The following EI24 variants were observed in gnomAD, a reference collection of about 807,000 sequenced individuals.
The protein encoded by EI24 is EI24 autophagy associated transmembrane protein, also known as etoposide-induced protein 2.4 homolog.
A neutral mutation model predicts 48.6 loss-of-function variants in EI24; 21 were observed. That is an observed-to-expected ratio of 0.43 (90% CI 0.31 to 0.62). The LOEUF (loss-of-function observed/expected upper bound fraction) is 0.62, where lower values mean the gene tolerates loss of function less well. Ranked by LOEUF, EI24 falls within the 20% of genes least tolerant of loss-of-function variation. The probability of loss-of-function intolerance (pLI) is 0.10; values close to 1 mark genes in which losing one functional copy is unlikely to be tolerated. For missense variants in EI24, 280 were observed against 410.5 expected (o/e 0.68, Z 2.75); for synonymous variants, 114 against 145.5 (o/e 0.78, Z 1.56).
Position 125,583,908 on chromosome 11 carries a change from G to GACCA in EI24, c.*226_*229dup. 13 of 567,368 alleles carry GACCA rather than the reference G, an allele frequency of 2.3e-5. No homozygotes were observed. The South Asian group carries it at 2.6e-4, about 12-fold the overall frequency. The allele number at this position is 567,368 out of a possible 1,614,324, so 35.1% of individuals were successfully genotyped here. ...TTTAACATCACCGTGAGTCTGAAAG[G>GACCA]ACCACAGGTTTTTCTGCAGCTATTT... On this transcript the variant is annotated 3_prime_UTR_variant, in exon 11 of 11. Transcript: ENST00000278903.
Position 125,578,221 on chromosome 11 carries a change from T to G in EI24, c.405T>G (p.Phe135Leu). Residue 135 changes from phenylalanine to leucine, a missense_variant, in exon 6 of 11, where the codon TTT (phenylalanine) becomes TTG (leucine). Around this residue, in one of 3 missense-constraint regions of EI24, gnomAD observed 204 missense variants for 294.1 expected, o/e 0.69. Coordinates refer to ENST00000278903, the MANE Select transcript of EI24 (RefSeq NM_004879.5). ...IFSALWVLPL[F>L]VLSKVVNAIW... ...GTGCTCTTTGGGTGCTCCCCTTGTT[T>G]GTGCTTAGCAAAGTGGTGAATGCCA... 6.2e-7 allele frequency: 1 copy of G among 1,614,014 alleles called. No homozygotes were observed. The highest frequency in any genetic ancestry group is 8.5e-7 in the Non-Finnish European group (1 of 1,179,892).
chr11:125,575,328 G>A lies in EI24; in HGVS notation c.108G>A (p.Lys36=). 1.3e-6 allele frequency: 2 copies of A among 1,572,200 alleles called. No individual in the cohort carries two copies. The highest frequency in any genetic ancestry group is 1.7e-6 in the Non-Finnish European group (2 of 1,158,942). ...AGCTAGATGCTCGAATCCAGCAAAAGAGAGAGGAGCAGCGTCGAAGAAGGG... is the reference window on the plus strand; with the variant it reads ...AGCTAGATGCTCGAATCCAGCAAAAAAGAGAGGAGCAGCGTCGAAGAAGGG... ...ISKLDARIQQ[K]REEQRRRRAS... is the part of the protein sequence containing the mutation. Residue 36 remains lysine (K), a synonymous_variant, in exon 3 of 11, where the codon AAG becomes AAA. Transcript: ENST00000278903.
At position 125,583,534 on chromosome 11, in the gene EI24, C is replaced by T. The variant is rs371275461; in HGVS notation, c.874C>T (p.Arg292Cys). The change falls in exon 11 of 11, where the codon CGC becomes TGC. Residue 292 changes from arginine to cysteine, a missense_variant. Arg to Cys is a radical substitution (Grantham distance 180). Coordinates refer to ENST00000278903, the MANE Select transcript of EI24 (RefSeq NM_004879.5). ...CTTGCCTTTTAGTCTCTTCCAGTTGCGCCTCTTCTCCTTGGTGGTCTTCTT... is the reference window on the plus strand; with the variant it reads ...CTTGCCTTTTAGTCTCTTCCAGTTGTGCCTCTTCTCCTTGGTGGTCTTCTT... ...TPGKAYLFQL[R>C]LFSLVVFLSN... 3.1e-6 allele frequency: 5 copies of T among 1,592,916 alleles called. No individual in the cohort carries two copies. Among genetic ancestry groups the T allele is most frequent in the South Asian group, 1.1e-5 (1 of 88,820 alleles).
intron 2 of EI24, among the ~76,000 whole-genome samples, chr11:125,573,928 C>A (rs911875038): frequency 6.6e-6 from 1 of 151,896 alleles, no homozygotes; most frequent in South Asian, 2.1e-4. Context: ...GTGATCTGCC[C>A]ACCTTAGCCT....
At chr11:125,575,226 C>T in intron 2 of EI24, 37 bp from the exon 3 acceptor site, 1 of 1,493,322 alleles carries the variant, frequency 6.7e-7, no homozygotes, top group Non-Finnish European at 9.0e-7. Context: ...GACCCTGTCT[C>T]AAATAATAAT....
chr11:125,581,385 T>C, intron 9 of EI24, 63 bp downstream of exon 9: 5 of 1,073,648 alleles, frequency 4.7e-6, no homozygotes, highest in Non-Finnish European at 7.0e-6. Flanking sequence ...AGTCAGTGCC[T>C]TTTGTTTGCT....
At chr11:125,577,659 AC>A in intron 5 of EI24, 89 bp downstream of exon 5, 1 of 1,080,334 alleles carries the variant, frequency 9.3e-7, no homozygotes, top group Non-Finnish European at 1.4e-6. Context: ...TTTCCTGTGT[AC>A]CAGGAGCTTT....
At position 125,575,344 on chromosome 11, in the gene EI24, CGAA is replaced by C; in HGVS notation, c.129_131del (p.Arg44del). On this transcript the variant is annotated inframe_deletion, in exon 3 of 11. Transcript: ENST00000278903. ...CCAGCAAAAGAGAGAGGAGCAGCGT[CGAA>C]GAAGGGCAAGTAGTGTCTTGGCACA... 1 of 1,582,438 alleles carries C rather than the reference CGAA, an allele frequency of 6.3e-7. No individual in the cohort carries two copies. Among genetic ancestry groups the C allele is most frequent in the Non-Finnish European group, 8.6e-7 (1 of 1,164,402 alleles).
chr11:125,579,208 CTTTT>C (rs1351176794), intron 7 of EI24, 140 bp downstream of exon 7: 3 of 710,516 alleles, frequency 4.2e-6, no homozygotes, highest in East Asian at 6.9e-5. Context: ...ATTTTTAAAT[CTTTT>C]TTTCCCCACG....
chr11:125,581,162 T>C lies in EI24; in HGVS notation c.674-49T>C, dbSNP rs369283705. ...TGTCTACCATAGTTACTTAGTCACT[T>C]GACTAAAAGGAAATATAATATCTAA... On this transcript the variant is annotated intron_variant, in intron 8 of 10. Transcript: ENST00000278903. The C allele has an allele frequency of 9.4e-6, 12 of 1,282,220 alleles. No homozygotes were observed. In the African/African-American group the frequency reaches 1.6e-4, roughly 17 times the overall value. 79.4% of individuals were successfully genotyped at this position (1,282,220 alleles called of 1,614,324 possible).
chr11:125,572,381 C>A, intron 1 of EI24, 77 bp from the exon 2 acceptor site: 1 of 705,702 alleles, frequency 1.4e-6, no homozygotes, highest in South Asian at 1.7e-5. Flanking sequence ...TATGTGAGGT[C>A]ATCATGTGGA....
intron 2 of EI24, among the ~76,000 whole-genome samples, chr11:125,572,803 A>G (rs909686506): frequency 6.9e-6 from 1 of 144,552 alleles, no homozygotes; most frequent in South Asian, 2.2e-4. Context: ...CAGTATTGGG[A>G]CCCTAATCAT....
chr11:125,580,031 C>G (rs1248390017), intron 7 of EI24, 62 bp from the exon 8 acceptor site: 2 of 1,279,928 alleles, frequency 1.6e-6, no homozygotes, highest in Non-Finnish European at 2.3e-6. Flanking sequence ...TGGAGAGTGA[C>G]AGGTGAATGG....
At chr11:125,572,607 CTTT>C (rs369141998) in intron 2 of EI24, 38 bp downstream of exon 2, 348 of 1,382,614 alleles carry the variant, frequency 2.5e-4, no homozygotes, top group Admixed American at 7.2e-4. Context: ...ATCTCTCGGC[CTTT>C]TTTTTTTTTG....
Position 125,583,520 on chromosome 11 carries a change from G to A in EI24, c.861-1G>A. On this transcript the variant is annotated splice_acceptor_variant, in intron 10 of 10. Transcript: ENST00000278903. LOFTEE classifies it high-confidence loss of function. Reference sequence around the variant, plus strand: ...AACAAGTTGGGTTTCTTGCCTTTTAGTCTCTTCCAGTTGCGCCTCTTCTCC... The same window carrying A: ...AACAAGTTGGGTTTCTTGCCTTTTAATCTCTTCCAGTTGCGCCTCTTCTCC... The A allele has an allele frequency of 6.4e-7, 1 of 1,568,998 alleles. No homozygotes were observed. Among genetic ancestry groups the A allele is most frequent in the Non-Finnish European group, 8.6e-7 (1 of 1,156,654 alleles).
At position 125,579,112 on chromosome 11, in the gene EI24, A is replaced by G. The variant is rs1189112360; in HGVS notation, c.561+44A>G. On this transcript the variant is annotated intron_variant, in intron 7 of 10. Transcript: ENST00000278903. ...GCATATGGGCAGCTTTATTAAAAAG[A>G]AAAACTGTTTCACTAGAGAGAACTT... The G allele has an allele frequency of 2.0e-6, 3 of 1,534,286 alleles. No homozygotes were observed. The South Asian group carries it at 3.7e-5, about 19-fold the overall frequency.
intron 10 of EI24, among the ~76,000 whole-genome samples, chr11:125,583,053 C>T (rs1350110226): frequency 2.0e-5 from 3 of 152,228 alleles, no homozygotes; most frequent in Non-Finnish European, 4.4e-5. Flanking sequence ...AGCCACAATA[C>T]TTCAACGCTG....
intron 9 of EI24, among the ~76,000 whole-genome samples, chr11:125,582,104 A>G (rs1320955055): frequency 6.6e-6 from 1 of 151,934 alleles, no homozygotes; most frequent in African/African-American, 2.4e-5. Context: ...AGGCTGAGGC[A>G]GGAGAATCGC....
intron 7 of EI24, among the ~76,000 whole-genome samples, chr11:125,579,646 G>T (rs1344108325): frequency 1.3e-5 from 2 of 152,064 alleles, no homozygotes; most frequent in Non-Finnish European, 2.9e-5. Context: ...CAGCCTGGGC[G>T]ACAAGAGCAA....
Sources: allele counts gnomAD v4.1 joint callset (sites outside exome capture counted in the v4.1 genomes callset), GRCh38; gene constraint gnomAD v4.1.1; regional missense constraint gnomAD v4.1.1; transcripts MANE v1.5; gene names NCBI Gene and HGNC (gene_info 2026-07-23, HGNC 2026-07-21).